DIAPH2: variants seen among roughly 807,000 people sequenced by gnomAD.
DIAPH2 encodes protein diaphanous homolog 2.
A neutral mutation model predicts 92.7 loss-of-function variants in DIAPH2; 35 were observed. The ratio of observed to expected loss-of-function variants is 0.38; its 90% CI spans 0.29 to 0.50. The LOEUF (loss-of-function observed/expected upper bound fraction) is 0.50, where lower values mean the gene tolerates loss of function less well. DIAPH2 is among the 20% of genes least tolerant of loss of function. The pLI is 0.94. For synonymous variants in DIAPH2, 301 were observed against 280.4 expected, an observed-to-expected ratio of 1.07 and a Z score of -0.73; for missense variants, 701 against 819.5, an observed-to-expected ratio of 0.86 and a Z score of 1.77.
chrX:96,973,152 T>C (rs180764641), intron 17 of DIAPH2, among the ~76,000 whole-genome samples: 1 of 111,652 alleles, frequency 9.0e-6, no homozygotes, highest in African/African-American at 3.3e-5. Flanking sequence ...TGTGTAGGCC[T>C]CTGCACCCAT....
chrX:96,952,607 C>A (rs1440187655), intron 15 of DIAPH2, among the ~76,000 whole-genome samples: 1 of 109,943 alleles, frequency 9.1e-6, no homozygotes, highest in Non-Finnish European at 1.9e-5. Context: ...TGGTGGCAGG[C>A]GCCTGTAATC....
At chrX:96,949,302 A>G (rs2065757725) in intron 15 of DIAPH2, among the ~76,000 whole-genome samples, 1 of 111,233 alleles carries the variant, frequency 9.0e-6, no homozygotes. Flanking sequence ...TTTTGAGATG[A>G]AATTTTCGTG....
At chrX:96,898,930 C>G (rs1267747101) in intron 5 of DIAPH2, among the ~76,000 whole-genome samples, 1 of 108,630 alleles carries the variant, frequency 9.2e-6, no homozygotes, top group Non-Finnish European at 1.9e-5. Context: ...GATCCAGTTT[C>G]AGCTTTCTAC....
At chrX:96,814,940 A>T (rs2147667231) in intron 4 of DIAPH2, among the ~76,000 whole-genome samples, 1 of 111,453 alleles carries the variant, frequency 9.0e-6, no homozygotes, top group South Asian at 3.8e-4. Flanking sequence ...ATTAGGTGTC[A>T]GTTGGCCCCT....
chrX:97,029,162 T>C (rs1327973185), intron 17 of DIAPH2, among the ~76,000 whole-genome samples: 4 of 99,706 alleles, frequency 4.0e-5, no homozygotes, highest in Non-Finnish European at 8.4e-5. Context: ...TTTTTTTTTT[T>C]AGTGAGACAG....
At position 97,161,088 on chromosome X, in the gene DIAPH2, T is replaced by C. The variant is rs1180572191; in HGVS notation, c.2719+19294T>C. On this transcript the variant is annotated intron_variant, in intron 22 of 26. Coordinates refer to ENST00000324765, the MANE Select transcript of DIAPH2 (RefSeq NM_006729.5). ...TTTTTCCTCCCTAGGGAGGATATAG[T>C]GGCGGGATGCAGCCGGGGACTCTCT... is the stretch of plus-strand genomic sequence containing the variant. Among the ~76,000 whole-genome samples, 17 of 100,865 alleles carry C rather than the reference T, an allele frequency of 1.7e-4. No individual in the cohort carries two copies. In the East Asian group the frequency reaches 5.0e-3, roughly 30 times the overall value. 87.6% of individuals were successfully genotyped at this position (100,865 alleles called of 115,157 possible).
At position 97,269,077 on chromosome X, in the gene DIAPH2, G is replaced by C. The variant is rs180789800; in HGVS notation, c.2844+21238G>C. 7.6e-3 allele frequency among the ~76,000 whole-genome samples: 843 copies of C among 110,731 alleles called. 9 individuals carry two copies. Among genetic ancestry groups the C allele is most frequent in the African/African-American group, 0.027 (806 of 30,400 alleles). On this transcript the variant is annotated intron_variant, in intron 23 of 26. Transcript: ENST00000324765. ...TCACCATGTTGGTCAAGCTGGCCTCGATCTCCTGACCTTGTGATCCACCCG... is the reference window on the plus strand; with the variant it reads ...TCACCATGTTGGTCAAGCTGGCCTCCATCTCCTGACCTTGTGATCCACCCG...
At chrX:97,002,973 G>A (rs1210988196) in intron 17 of DIAPH2, among the ~76,000 whole-genome samples, 3 of 110,822 alleles carry the variant, frequency 2.7e-5, no homozygotes, top group Non-Finnish European at 3.8e-5. Context: ...GCTAACCATC[G>A]TTCTACTATC....
At chrX:97,530,604 CTATATTT>C (rs2071053348) in intron 26 of DIAPH2, among the ~76,000 whole-genome samples, 1 of 111,453 alleles carries the variant, frequency 9.0e-6, no homozygotes, top group Non-Finnish European at 1.9e-5. Context: ...AACAAAATGT[CTATATTT>C]AATCATGCAT....
At chrX:97,585,154 T>C (rs1159974333) in intron 26 of DIAPH2, among the ~76,000 whole-genome samples, 5 of 111,216 alleles carry the variant, frequency 4.5e-5, no homozygotes, top group African/African-American at 1.3e-4. Context: ...TGATGCAGGG[T>C]ATCCTTATGT....
chrX:97,036,569 ATG>A (rs1186962527), intron 17 of DIAPH2, among the ~76,000 whole-genome samples: 2 of 112,155 alleles, frequency 1.8e-5, no homozygotes, highest in Non-Finnish European at 3.8e-5. Context: ...ACACCTTTAT[ATG>A]TGCAAAATGT....
intron 21 of DIAPH2, among the ~76,000 whole-genome samples, chrX:97,125,567 A>G (rs986182714): frequency 3.6e-5 from 4 of 109,750 alleles, no homozygotes; most frequent in Non-Finnish European, 7.6e-5. Context: ...TAAAAAGTCA[A>G]CCATATATAT....
At chrX:97,385,222 C>G (rs1000987285) in intron 25 of DIAPH2, among the ~76,000 whole-genome samples, 1 of 110,840 alleles carries the variant, frequency 9.0e-6, no homozygotes, top group African/African-American at 3.3e-5. Flanking sequence ...GGTTGTAAGA[C>G]TTTTACGTAT....
chrX:97,326,215 A>G (rs1193507148), intron 23 of DIAPH2, among the ~76,000 whole-genome samples: 1 of 112,378 alleles, frequency 8.9e-6, no homozygotes, highest in Non-Finnish European at 1.9e-5. Context: ...ATGTCATTGT[A>G]TATACCAACC....
At chrX:96,905,962 C>T (rs975690414) in intron 5 of DIAPH2, among the ~76,000 whole-genome samples, 18 of 111,480 alleles carry the variant, frequency 1.6e-4, no homozygotes, top group Non-Finnish European at 2.8e-4. Flanking sequence ...ACCCCATCTC[C>T]ACTAAAAATA....
chrX:96,855,260 A>G (rs1053180024), intron 4 of DIAPH2, among the ~76,000 whole-genome samples: 15 of 110,424 alleles, frequency 1.4e-4, no homozygotes, highest in Non-Finnish European at 2.3e-4. Flanking sequence ...TCATGATTGA[A>G]CACATTTTAT....
intron 23 of DIAPH2, among the ~76,000 whole-genome samples, chrX:97,311,972 C>T (rs780601215): frequency 5.5e-5 from 6 of 109,478 alleles, no homozygotes; most frequent in Admixed American, 4.9e-4. Flanking sequence ...GGACTACAGG[C>T]GCCCGCCACC....
intron 4 of DIAPH2, among the ~76,000 whole-genome samples, chrX:96,775,655 A>C (rs944290054): frequency 5.4e-5 from 6 of 110,317 alleles, no homozygotes; most frequent in Non-Finnish European, 9.4e-5. Flanking sequence ...GGATGCTTAG[A>C]GCGTACGTTA....
chrX:97,290,730 A>G (rs780283447), intron 23 of DIAPH2, among the ~76,000 whole-genome samples: 1 of 111,755 alleles, frequency 8.9e-6, no homozygotes, highest in East Asian at 2.8e-4. Context: ...CCTTGGTTGG[A>G]AAATGGATTG....
Sources: gnomAD v4.1 joint callset for allele counts (sites outside exome capture counted in the v4.1 genomes callset) on GRCh38, gnomAD v4.1.1 for gene constraint, MANE v1.5 for transcripts, NCBI Gene and HGNC (gene_info 2026-07-23, HGNC 2026-07-21) for gene names.